Variants in STIMATE observed in about 807,000 individuals in gnomAD.
STIMATE encodes STIM activating enhancer.
STIMATE carries 15 observed loss-of-function variants against 36.7 expected under a neutral mutation model. The observed-to-expected ratio is 0.41, with a 90% CI of 0.27 to 0.63. The LOEUF is 0.63. Among genes scored for constraint, STIMATE ranks in the 20% least tolerant of loss-of-function variants. The pLI, the probability that STIMATE is intolerant of heterozygous loss-of-function variation, is 0.32. For missense variants in STIMATE, 305 were observed against 397.3 expected (o/e 0.77, Z 1.98); for synonymous variants, 163 against 162.3 (o/e 1.00, Z -0.03).
At chr3:52,857,862 C>T (rs1469370620) in intron 1 of STIMATE, among the ~76,000 whole-genome samples, 3 of 152,022 alleles carry the variant, frequency 2.0e-5, no homozygotes, top group African/African-American at 7.2e-5. Flanking sequence ...ACCCACAGCA[C>T]CTCAGAGCGA....
At chr3:52,895,412 TC>T (rs1395713873) in intron 1 of STIMATE, among the ~76,000 whole-genome samples, 3 of 152,000 alleles carry the variant, frequency 2.0e-5, no homozygotes, top group Non-Finnish European at 2.9e-5. Context: ...CCAGCTCTTC[TC>T]CCCATCACTC....
intron 1 of STIMATE, among the ~76,000 whole-genome samples, chr3:52,889,910 G>A (rs1197338946): frequency 1.3e-5 from 2 of 152,180 alleles, no homozygotes; most frequent in Non-Finnish European, 2.9e-5. Flanking sequence ...AAAGAGGCCT[G>A]AAATGGAATA....
At chr3:52,847,327 C>T (rs1700925036) in intron 4 of STIMATE, 6 of 1,206,352 alleles carry the variant, frequency 5.0e-6, no homozygotes, top group African/African-American at 1.6e-5. Flanking sequence ...GGAGGGAACA[C>T]ATCTGTGGCG....
At chr3:52,852,826 G>T in intron 2 of STIMATE, 128 bp from the exon 3 acceptor site, 1 of 1,163,744 alleles carries the variant, frequency 8.6e-7, no homozygotes, top group Non-Finnish European at 1.2e-6. Context: ...TCTCTTCCTG[G>T]GGCCTTGAGC....
At chr3:52,843,000 A>G (rs765870602) in intron 6 of STIMATE, 40 bp from the exon 7 acceptor site, 3 of 1,613,034 alleles carry the variant, frequency 1.9e-6, no homozygotes, top group South Asian at 1.1e-5. Context: ...GGGATAAACC[A>G]TTTTTCAAAG....
chr3:52,891,131 T>G (rs1456533094), intron 1 of STIMATE, among the ~76,000 whole-genome samples: 3 of 151,766 alleles, frequency 2.0e-5, no homozygotes, highest in Non-Finnish European at 4.4e-5. Flanking sequence ...ATTGTTCAGA[T>G]AGAAAAAAAA....
At chr3:52,850,656 C>T (rs1438707600) in intron 3 of STIMATE, among the ~76,000 whole-genome samples, 3 of 152,200 alleles carry the variant, frequency 2.0e-5, no homozygotes, top group Non-Finnish European at 4.4e-5. Context: ...TCTCGGGTTT[C>T]GCAGACAAAG....
intron 1 of STIMATE, among the ~76,000 whole-genome samples, chr3:52,864,831 A>C (rs922312649): frequency 6.6e-5 from 10 of 152,132 alleles, no homozygotes; most frequent in Non-Finnish European, 7.3e-5. Context: ...CATAACAAGA[A>C]TCACCTTTGC....
At chr3:52,890,819 A>G (rs1346577753) in intron 1 of STIMATE, among the ~76,000 whole-genome samples, 1 of 152,132 alleles carries the variant, frequency 6.6e-6, no homozygotes, top group African/African-American at 2.4e-5. Context: ...AGCCCTGCAG[A>G]CCCTTCCTCA....
chr3:52,848,289 G>C (rs1700941400), intron 4 of STIMATE: 1 of 152,312 alleles, frequency 6.6e-6, no homozygotes, highest in African/African-American at 2.4e-5. Context: ...GGCAGTGGTG[G>C]GATGACCCAG....
intron 1 of STIMATE, among the ~76,000 whole-genome samples, chr3:52,871,941 C>T (rs1165379395): frequency 6.6e-6 from 1 of 152,272 alleles, no homozygotes; most frequent in East Asian, 1.9e-4. Context: ...CATGGGGCTT[C>T]TCTTGATGCG....
chr3:52,867,176 G>A (rs1394907296), intron 1 of STIMATE, among the ~76,000 whole-genome samples: 1 of 152,194 alleles, frequency 6.6e-6, no homozygotes, highest in Non-Finnish European at 1.5e-5. Flanking sequence ...TTGGCACAAA[G>A]CTGCTCTTTG....
intron 1 of STIMATE, among the ~76,000 whole-genome samples, chr3:52,876,284 C>T (rs561716249): frequency 6.6e-6 from 1 of 152,344 alleles, no homozygotes; most frequent in South Asian, 2.1e-4. Context: ...CAGGCCACTG[C>T]TGACCCTCAC....
chr3:52,843,610 C>T lies in STIMATE; in HGVS notation c.618+111G>A, dbSNP rs551283761. Reference sequence around the variant, plus strand: ...GGGTGGGAGAGGTGGCAAATGGTCACGCAAAAAGACCTGAGGGCTACAGGT... The same window carrying T: ...GGGTGGGAGAGGTGGCAAATGGTCATGCAAAAAGACCTGAGGGCTACAGGT... On this transcript the variant is annotated intron_variant, in intron 6 of 7. Transcript: ENST00000355083. 5.4e-5 allele frequency: 79 copies of T among 1,475,372 alleles called. No homozygotes were observed. In the East Asian group the frequency reaches 1.3e-3, roughly 24 times the overall value. The allele number at this position is 1,475,372 out of a possible 1,614,324, so 91.4% of individuals were successfully genotyped here.
At chr3:52,887,470 G>A (rs901781325) in intron 1 of STIMATE, among the ~76,000 whole-genome samples, 1 of 152,220 alleles carries the variant, frequency 6.6e-6, no homozygotes. Context: ...GATGGGGGCA[G>A]TAGGCTCAGG....
chr3:52,896,842 T>C (rs1161259467), intron 1 of STIMATE, among the ~76,000 whole-genome samples: 1 of 152,082 alleles, frequency 6.6e-6, no homozygotes, highest in South Asian at 2.1e-4. Flanking sequence ...AGGATTTAAA[T>C]GTGAACGGAG....
In STIMATE at chr3:52,858,441, C is replaced by G. The variant is rs552445824; in HGVS notation, c.161-2997G>C. ...AGTTTGAGACCAGCCCGGGCAACAC[C>G]GTGAGACTCCATCCTTACAAAAAAC... On this transcript the variant is annotated intron_variant, in intron 1 of 7. Transcript: ENST00000355083. Among the ~76,000 whole-genome samples, 589 of 151,976 alleles carry G rather than the reference C, an allele frequency of 3.9e-3. 2 individuals are homozygous for G. The highest frequency in any genetic ancestry group is 6.8e-3 in the Middle Eastern group (2 of 294).
chr3:52,854,238 C>T (rs1559491607), intron 2 of STIMATE, among the ~76,000 whole-genome samples: 2 of 152,250 alleles, frequency 1.3e-5, no homozygotes. Flanking sequence ...TGGAATTTCC[C>T]GGAAGACAGG....
At chr3:52,857,212 T>C (rs745761258) in intron 1 of STIMATE, among the ~76,000 whole-genome samples, 1 of 152,214 alleles carries the variant, frequency 6.6e-6, no homozygotes, top group African/African-American at 2.4e-5. Context: ...CAAGTCTGTT[T>C]AGAGAGACAT....
Sources: allele counts gnomAD v4.1 joint callset (sites outside exome capture counted in the v4.1 genomes callset), GRCh38; gene constraint gnomAD v4.1.1; transcripts MANE v1.5; gene names NCBI Gene and HGNC (gene_info 2026-07-23, HGNC 2026-07-21).